The following GON4L variants were observed in gnomAD, a reference collection of about 807,000 sequenced individuals.
GON4L encodes the protein GON-4-like protein.
A neutral mutation model predicts 211.8 loss-of-function variants in GON4L; 87 were observed. That is an observed-to-expected ratio of 0.41 (90% CI 0.35 to 0.49). The LOEUF (loss-of-function observed/expected upper bound fraction) is 0.49. GON4L is among the 20% of genes least tolerant of loss of function. The pLI, the probability that GON4L is intolerant of heterozygous loss-of-function variation, is 0.15. For synonymous variants in GON4L, 875 were observed against 962.6 expected, an observed-to-expected ratio of 0.91 and a Z score of 1.68; for missense variants, 2,155 against 2,659.5, an observed-to-expected ratio of 0.81 and a Z score of 4.17.
intron 18 of GON4L, among the ~76,000 whole-genome samples, chr1:155,772,459 A>G (rs1470462086): frequency 2.6e-5 from 4 of 151,852 alleles, no homozygotes; most frequent in Admixed American, 2.6e-4. Context: ...GGCCATAAAA[A>G]TGTTCATAAT....
At chr1:155,851,709 C>G (rs961509905) in intron 2 of GON4L, among the ~76,000 whole-genome samples, 1 of 147,520 alleles carries the variant, frequency 6.8e-6, no homozygotes, top group Non-Finnish European at 1.5e-5. Flanking sequence ...AAGCGAGACT[C>G]CGTATCAAAA....
chr1:155,778,938 A>G (rs544080129), intron 14 of GON4L, among the ~76,000 whole-genome samples: 2 of 152,062 alleles, frequency 1.3e-5, no homozygotes, highest in African/African-American at 4.8e-5. Flanking sequence ...TTATTTATCT[A>G]CTGCTGTAAT....
At chr1:155,771,243 C>T in intron 18 of GON4L, 26 bp from the exon 19 acceptor site, 2 of 1,613,480 alleles carry the variant, frequency 1.2e-6, no homozygotes. Context: ...AACACTAAAT[C>T]TCACTTCACA....
downstream of GON4L, among the ~76,000 whole-genome samples, chr1:155,748,959 C>A (rs1050350428): frequency 6.6e-6 from 1 of 152,084 alleles, no homozygotes; most frequent in Non-Finnish European, 1.5e-5. Context: ...CATAAAAATT[C>A]TTAAGTTTCT....
intron 14 of GON4L, among the ~76,000 whole-genome samples, chr1:155,779,635 T>C (rs184816213): frequency 9.9e-5 from 15 of 152,200 alleles, no homozygotes; most frequent in South Asian, 2.1e-4. Flanking sequence ...CCTGACTGCA[T>C]AGGGTATCAG....
Position 155,775,264 on chromosome 1 carries a change from T to C in GON4L, c.2179-91A>G, listed in dbSNP as rs898532797. 2.6e-6 allele frequency: 4 copies of C among 1,526,398 alleles called. No individual in the cohort carries two copies. In the African/African-American group the frequency reaches 5.5e-5, roughly 21 times the overall value. 94.6% of individuals were successfully genotyped at this position (1,526,398 alleles called of 1,614,324 possible). On this transcript the variant is annotated intron_variant, in intron 16 of 31. Coordinates refer to ENST00000368331, the MANE Select transcript of GON4L (RefSeq NM_001282860.2). ...AATCTAAATGAGAAGCTGACCTTCC[T>C]ACTACAGGATAAAAACAGGTAAAAA...
chr1:155,821,561 G>A lies in GON4L; in HGVS notation c.889-13C>T, dbSNP rs758915771. 1 of 1,535,768 alleles carries A rather than the reference G, an allele frequency of 6.5e-7. No homozygotes were observed. The highest frequency in any genetic ancestry group is 1.7e-5 in the Admixed American group (1 of 59,844). ...TTGTGATTACTTCCTGGAGAAAGAT[G>A]AAATTTCACTTTATGCAACAAGGGT... On this transcript the variant is annotated splice_polypyrimidine_tract_variant and intron_variant, in intron 4 of 31. Transcript: ENST00000368331.
chr1:155,747,082 C>G, downstream of GON4L: 1 of 1,606,424 alleles, frequency 6.2e-7, no homozygotes, highest in Non-Finnish European at 8.5e-7. Flanking sequence ...CAACCTTTGC[C>G]TCTAAACTGC....
chr1:155,767,344 C>T, intron 20 of GON4L, 81 bp downstream of exon 20: 5 of 1,613,724 alleles, frequency 3.1e-6, no homozygotes, highest in Middle Eastern at 1.7e-4. Context: ...AAGCATTAGA[C>T]GATTAAGGAA....
intron 9 of GON4L, 77 bp from the exon 10 acceptor site, chr1:155,813,881 G>A: frequency 8.6e-7 from 1 of 1,168,952 alleles, no homozygotes; most frequent in Admixed American, 1.9e-5. Context: ...GAAAAAAAGA[G>A]AGGGAAAAAG....
At chr1:155,754,547 T>TTTTTAA in intron 27 of GON4L, 59 bp from the exon 28 acceptor site, 1 of 955,262 alleles carries the variant, frequency 1.0e-6, no homozygotes, top group Non-Finnish European at 1.6e-6. Flanking sequence ...TTTTTTTTTT[T>TTTTTAA]GAGACAGAGT....
At chr1:155,754,527 T>G (rs996853832) in intron 27 of GON4L, 39 bp from the exon 28 acceptor site, 75 of 770,508 alleles carry the variant, frequency 9.7e-5, no homozygotes, top group Non-Finnish European at 1.2e-4. Context: ...CCAAGTTGTT[T>G]TTTTTTTTTT....
At chr1:155,745,797 T>C, downstream of GON4L, 2 of 615,328 alleles carry the variant, frequency 3.3e-6, no homozygotes, top group Non-Finnish European at 5.8e-6. Context: ...GCGGCGCGGC[T>C]GAGGCGCGGC....
downstream of GON4L, chr1:155,748,281 A>G: frequency 1.6e-6 from 2 of 1,242,736 alleles, no homozygotes; most frequent in South Asian, 1.4e-5. Context: ...ATGCTTGTCC[A>G]GCCTGGGGTC....
At chr1:155,817,982 G>T (rs1668399255) in intron 6 of GON4L, among the ~76,000 whole-genome samples, 1 of 150,316 alleles carries the variant, frequency 6.7e-6, no homozygotes, top group South Asian at 2.1e-4. Context: ...TTTAATACTT[G>T]CTCTCCTACG....
At chr1:155,758,132 G>C (rs1661386228) in intron 24 of GON4L, 98 bp from the exon 25 acceptor site, 1 of 144,212 alleles carries the variant, frequency 6.9e-6, no homozygotes, top group African/African-American at 2.8e-5. Flanking sequence ...GGACACAAGA[G>C]ATGACAGAAC....
chr1:155,815,963 A>G, intron 7 of GON4L, 63 bp from the exon 8 acceptor site: 1 of 1,032,880 alleles, frequency 9.7e-7, no homozygotes. Context: ...GTATTTGGAA[A>G]ATAAGGGGAA....
intron 14 of GON4L, among the ~76,000 whole-genome samples, chr1:155,779,732 A>G (rs957950737): frequency 4.6e-5 from 7 of 152,196 alleles, no homozygotes; most frequent in African/African-American, 1.7e-4. Flanking sequence ...CAGCCCTGGA[A>G]AAAGTCTCCC....
chr1:155,757,346 A>G (rs1006768645), intron 25 of GON4L, 23 bp from the exon 26 acceptor site: 1 of 1,611,050 alleles, frequency 6.2e-7, no homozygotes, highest in Non-Finnish European at 8.5e-7. Flanking sequence ...ACAGAGGGAA[A>G]GAGGAAGTCT....
Sources: allele counts gnomAD v4.1 joint callset (sites outside exome capture counted in the v4.1 genomes callset), GRCh38; gene constraint gnomAD v4.1.1; transcripts MANE v1.5; gene names NCBI Gene and HGNC (gene_info 2026-07-23, HGNC 2026-07-21).